RPH3AL: variants seen among roughly 807,000 people sequenced by gnomAD.
RPH3AL encodes rabphilin 3A like (without C2 domains).
A neutral mutation model predicts 43.1 loss-of-function variants in RPH3AL; 38 were observed. The ratio of observed to expected loss-of-function variants is 0.88; its 90% CI spans 0.68 to 1.15. RPH3AL has a LOEUF of 1.15. Ranked by LOEUF, RPH3AL falls within the 50% of genes most tolerant of loss-of-function variation. RPH3AL has a pLI of 0.00. For synonymous variants in RPH3AL, 189 were observed against 176.3 expected (o/e 1.07, Z -0.57); for missense variants, 462 against 423.2 (o/e 1.09, Z -0.81).
chr17:224,820 T>C (rs1410281249), intron 7 of RPH3AL, among the ~76,000 whole-genome samples: 2 of 152,184 alleles, frequency 1.3e-5, no homozygotes, highest in African/African-American at 4.8e-5. Flanking sequence ...TGTAGGGACA[T>C]GGATGAAGCT....
chr17:316,530 T>C (rs796867059), intron 5 of RPH3AL, among the ~76,000 whole-genome samples: 3,501 of 36,678 alleles, frequency 0.095, 1 homozygote, highest in South Asian at 0.18. Context: ...TGACCTGTAG[T>C]CCCTGTGACT....
intron 6 of RPH3AL, among the ~76,000 whole-genome samples, chr17:252,906 A>C (rs1161406687): frequency 9.2e-5 from 14 of 152,178 alleles, no homozygotes; most frequent in African/African-American, 3.4e-4. Flanking sequence ...CTGATGAATG[A>C]TACTCAGCCT....
At chr17:244,091 C>A (rs1015522314) in intron 7 of RPH3AL, among the ~76,000 whole-genome samples, 3 of 148,990 alleles carry the variant, frequency 2.0e-5, no homozygotes, top group Non-Finnish European at 4.4e-5. Flanking sequence ...CTATTGATCA[C>A]CTTTCTCTAT....
chr17:302,782 T>A (rs1471287844), intron 5 of RPH3AL, among the ~76,000 whole-genome samples: 4 of 152,218 alleles, frequency 2.6e-5, no homozygotes. Context: ...ACATGTATAG[T>A]CATGGGACGA....
chr17:286,050 T>TG (rs936130830), intron 5 of RPH3AL, among the ~76,000 whole-genome samples: 3 of 152,152 alleles, frequency 2.0e-5, no homozygotes, highest in Non-Finnish European at 2.9e-5. Flanking sequence ...CCGCCACTGC[T>TG]GGGGGGGTGC....
At chr17:334,389 T>A (rs2044882957) in intron 1 of RPH3AL, among the ~76,000 whole-genome samples, 1 of 152,002 alleles carries the variant, frequency 6.6e-6, no homozygotes, top group East Asian at 1.9e-4. Context: ...ACCCACGGAG[T>A]CTCTAGCCCG....
At chr17:231,302 A>T (rs1256922529) in intron 7 of RPH3AL, among the ~76,000 whole-genome samples, 2 of 152,164 alleles carry the variant, frequency 1.3e-5, no homozygotes, top group South Asian at 2.1e-4. Flanking sequence ...GTCAGAGCTT[A>T]GGTTTGGGGT....
intron 1 of RPH3AL, among the ~76,000 whole-genome samples, chr17:351,299 G>A (rs1428364382): frequency 6.6e-6 from 1 of 152,046 alleles, no homozygotes; most frequent in Non-Finnish European, 1.5e-5. Flanking sequence ...ACATAAACGA[G>A]ACTCTTCAAG....
At chr17:269,026 C>A (rs558685321) in intron 6 of RPH3AL, among the ~76,000 whole-genome samples, 2 of 152,166 alleles carry the variant, frequency 1.3e-5, no homozygotes, top group African/African-American at 4.8e-5. Context: ...CTACAGGCGC[C>A]CGCCACCACG....
At chr17:281,894 G>A (rs751224576) in intron 5 of RPH3AL, 40 bp from the exon 6 acceptor site, 18 of 1,504,994 alleles carry the variant, frequency 1.2e-5, no homozygotes, top group East Asian at 9.0e-5. Flanking sequence ...GATTGCAGCC[G>A]CTTCCTCCTC....
chr17:268,553 G>GTTTTT (rs5818749), intron 6 of RPH3AL, among the ~76,000 whole-genome samples: 861 of 74,532 alleles, frequency 0.012, 38 homozygotes, highest in Non-Finnish European at 0.015. Flanking sequence ...ATGTTTTTGG[G>GTTTTT]TTTTTTTTTT....
Position 213,951 on chromosome 17 carries a change from T to C in RPH3AL, c.877-28A>G, listed in dbSNP as rs746858454. The C allele has an allele frequency of 2.1e-5, 33 of 1,583,380 alleles. No individual in the cohort carries two copies. The South Asian group carries it at 3.7e-4, about 18-fold the overall frequency. On this transcript the variant is annotated intron_variant, in intron 9 of 9. Coordinates refer to ENST00000331302, the MANE Select transcript of RPH3AL (RefSeq NM_006987.4). ...TTGGATGAGAGAAAAGGCCACCACA[T>C]GGTGAGCAGCGGTGGAGTCCCTCCC...
intron 7 of RPH3AL, among the ~76,000 whole-genome samples, chr17:220,333 C>T (rs2040935146): frequency 3.3e-5 from 5 of 151,448 alleles, no homozygotes; most frequent in Admixed American, 2.6e-4. Flanking sequence ...GCTCTGAGGC[C>T]TCCACTCACT....
At chr17:313,463 G>T (rs2151658476) in intron 5 of RPH3AL, among the ~76,000 whole-genome samples, 1 of 152,314 alleles carries the variant, frequency 6.6e-6, no homozygotes, top group East Asian at 1.9e-4. Flanking sequence ...CTGCCTCAGG[G>T]CCTTCAGGAC....
intron 5 of RPH3AL, among the ~76,000 whole-genome samples, chr17:286,731 CCCTG>C (rs1310242412): frequency 1.3e-5 from 2 of 152,214 alleles, no homozygotes; most frequent in Non-Finnish European, 2.9e-5. Context: ...CCACTCACTT[CCCTG>C]CCTGAGATGG....
chr17:214,562 T>C (rs1430861744), intron 9 of RPH3AL: 2 of 152,538 alleles, frequency 1.3e-5, no homozygotes, highest in African/African-American at 4.8e-5. Flanking sequence ...GCCCAGGAGT[T>C]CGAGACCAGC....
At chr17:257,885 G>A (rs34899189) in intron 6 of RPH3AL, among the ~76,000 whole-genome samples, 121 of 6,332 alleles carry the variant, frequency 0.019, 9 homozygotes, top group African/African-American at 0.051. Context: ...GTCCTGTTCT[G>A]TCCCTAGGAA....
At chr17:337,897 C>T (rs1204627947) in intron 1 of RPH3AL, among the ~76,000 whole-genome samples, 1 of 152,220 alleles carries the variant, frequency 6.6e-6, no homozygotes, top group African/African-American at 2.4e-5. Flanking sequence ...TGGCAACTCC[C>T]GCTCCAGTGG....
chr17:324,702 G>GCTAGCTAGCTAGCTATCTAT (rs1301592247), intron 3 of RPH3AL, among the ~76,000 whole-genome samples: 4 of 119,924 alleles, frequency 3.3e-5, no homozygotes, highest in African/African-American at 1.2e-4. Flanking sequence ...TAGCTAGCTA[G>GCTAGCTAGCTAGCTATCTAT]CTATGTACCT....
Sources: gnomAD v4.1 joint callset for allele counts (sites outside exome capture counted in the v4.1 genomes callset) on GRCh38, gnomAD v4.1.1 for gene constraint, MANE v1.5 for transcripts, NCBI Gene and HGNC (gene_info 2026-07-23, HGNC 2026-07-21) for gene names.